GALNT18: variants seen among roughly 807,000 people sequenced by gnomAD.
The protein encoded by GALNT18 is GalNAc-transferase 18.
Under a neutral mutation model 69.5 loss-of-function variants are expected in GALNT18, and 44 were observed. The observed-to-expected ratio is 0.63, with a 90% confidence interval of 0.50 to 0.81. The LOEUF (loss-of-function observed/expected upper bound fraction) is 0.81. GALNT18 is among the 40% of genes least tolerant of loss of function. The pLI, the probability that GALNT18 is intolerant of heterozygous loss-of-function variation, is 0.00. For synonymous variants in GALNT18, 364 were observed against 318.2 expected, an observed-to-expected ratio of 1.14 and a Z score of -1.53; for missense variants, 715 against 810.0, an observed-to-expected ratio of 0.88 and a Z score of 1.42.
In GALNT18 at chr11:11,596,841, C is replaced by A. The variant is rs58787294; in HGVS notation, c.235+24518G>T. 0.025 allele frequency among the ~76,000 whole-genome samples: 3,778 copies of A among 152,124 alleles called. 169 individuals carry two copies. The highest frequency in any genetic ancestry group is 0.087 in the African/African-American group (3,598 of 41,494). On this transcript the variant is annotated intron_variant, in intron 1 of 10. Coordinates refer to ENST00000227756, the MANE Select transcript of GALNT18 (RefSeq NM_198516.3). This position sits in a 1 kb window ranked among gnomAD's most constrained non-coding sequence, Gnocchi z 4.2. Reference sequence around the variant, plus strand: ...AACATCTGGTATAATATTAAATAGGCGTGATGACAGCAGATATGCTTCTGT... The same window carrying A: ...AACATCTGGTATAATATTAAATAGGAGTGATGACAGCAGATATGCTTCTGT...
Position 11,389,627 on chromosome 11 carries a change from C to G in GALNT18, c.596-10363G>C, listed in dbSNP as rs374785239. 1.3e-5 allele frequency among the ~76,000 whole-genome samples: 2 copies of G among 152,302 alleles called. No homozygotes were observed. Among genetic ancestry groups the G allele is most frequent in the East Asian group, 3.9e-4 (2 of 5,184 alleles). On this transcript the variant is annotated intron_variant, in intron 3 of 10. Coordinates refer to ENST00000227756, the MANE Select transcript of GALNT18 (RefSeq NM_198516.3). This position sits in a 1 kb window ranked among gnomAD's most constrained non-coding sequence, Gnocchi z 4.3. ...TCAGCTGTGTCCAGGCAGGAGTGGA[C>G]GCTGCTCCAGCCCCAGCTCCTCCAG...
chr11:11,445,709 T>C (rs1215970900), intron 2 of GALNT18, among the ~76,000 whole-genome samples: 1 of 152,210 alleles, frequency 6.6e-6, no homozygotes, highest in African/African-American at 2.4e-5. Flanking sequence ...GAGCCCTCCC[T>C]GAGGAGTGAG....
At chr11:11,300,515 C>G (rs369574781) in intron 9 of GALNT18, among the ~76,000 whole-genome samples, 1 of 152,144 alleles carries the variant, frequency 6.6e-6, no homozygotes, top group Non-Finnish European at 1.5e-5. Context: ...TGCAGCCCAA[C>G]AAGGAATTAA....
chr11:11,550,724 T>C (rs1858168150), intron 1 of GALNT18, among the ~76,000 whole-genome samples: 1 of 152,204 alleles, frequency 6.6e-6, no homozygotes, highest in South Asian at 2.1e-4. Context: ...AGATCTGCGC[T>C]GTCCAAGGTG....
Position 11,461,453 on chromosome 11 carries a change from G to GA in GALNT18, c.236-12518dup, listed in dbSNP as rs1856041199. On this transcript the variant is annotated intron_variant, in intron 1 of 10. Coordinates refer to ENST00000227756, the MANE Select transcript of GALNT18 (RefSeq NM_198516.3). This position sits in a 1 kb window ranked among gnomAD's most constrained non-coding sequence, Gnocchi z 4.1. ...AGAGTGACAAATGTCTGTATCTTAGGAATCAGAATTTATATGTGCCATTAC... is the reference window on the plus strand; with the variant it reads ...AGAGTGACAAATGTCTGTATCTTAGGAAATCAGAATTTATATGTGCCATTAC... 6.6e-6 allele frequency among the ~76,000 whole-genome samples: 1 copy of GA among 152,128 alleles called. No individual in the cohort carries two copies. The highest frequency in any genetic ancestry group is 6.5e-5 in the Admixed American group (1 of 15,270).
At chr11:11,607,828 A>T (rs919128833) in intron 1 of GALNT18, among the ~76,000 whole-genome samples, 5 of 152,224 alleles carry the variant, frequency 3.3e-5, no homozygotes, top group South Asian at 2.1e-4. Context: ...CCCACCAGGT[A>T]ACCAGACACC....
chr11:11,353,807 C>T (rs1184210420), intron 6 of GALNT18, among the ~76,000 whole-genome samples: 4 of 152,132 alleles, frequency 2.6e-5, no homozygotes, highest in Admixed American at 2.0e-4. Flanking sequence ...AGGGTAGATA[C>T]ACTCTGTCAT....
At chr11:11,588,208 GCACTAGT>G (rs1490987951) in intron 1 of GALNT18, among the ~76,000 whole-genome samples, 1 of 151,902 alleles carries the variant, frequency 6.6e-6, no homozygotes, top group Non-Finnish European at 1.5e-5. Context: ...TTTTCTTATG[GCACTAGT>G]CACTTTTCAC....
chr11:11,513,871 T>C (rs2133917438), intron 1 of GALNT18, among the ~76,000 whole-genome samples: 1 of 152,350 alleles, frequency 6.6e-6, no homozygotes, highest in East Asian at 1.9e-4. Context: ...TCTAGGCAGC[T>C]ACAGGGAACT....
rs1589999120 is a variant in GALNT18, at chr11:11,435,297, C to A, written c.429-2510G>T. 2.0e-5 allele frequency among the ~76,000 whole-genome samples: 3 copies of A among 152,298 alleles called. No individual in the cohort carries two copies. Among genetic ancestry groups the A allele is most frequent in the Admixed American group, 2.0e-4 (3 of 15,310 alleles). On this transcript the variant is annotated intron_variant, in intron 2 of 10. Coordinates refer to ENST00000227756, the MANE Select transcript of GALNT18 (RefSeq NM_198516.3). The surrounding 1 kb of genome is among the most constrained non-coding windows in gnomAD (Gnocchi z 4.4). ...TCTGAACGTGGTGCCCAGTCTCCCC[C>A]TTCTGAGGAGACCAATTTTAATTCC... is the stretch of plus-strand genomic sequence containing the variant.
In GALNT18 at chr11:11,293,177, C is replaced by T. The variant is rs768067191; in HGVS notation, c.1529G>A (p.Ser510Asn). The change falls in exon 10 of 11, where the codon AGC (serine) becomes AAC (asparagine). Residue 510 changes from serine (S) to asparagine (N), a missense_variant. Coordinates refer to ENST00000227756, the MANE Select transcript of GALNT18 (RefSeq NM_198516.3). Reference sequence around the variant, plus strand: ...AATGCCCACATGGATCTGCTGACTGCTCGTGTAGTACACGTTCTGGGGGCG... The same window carrying T: ...AATGCCCACATGGATCTGCTGACTGTTCGTGTAGTACACGTTCTGGGGGCG... ...GMTPQNVYYT[S>N]SQQIHVGILS... is the part of the protein sequence containing the mutation. The T allele has an allele frequency of 7.5e-7, 1 of 1,335,926 alleles. No individual in the cohort carries two copies. The highest frequency in any genetic ancestry group is 2.6e-5 in the South Asian group (1 of 38,710). 82.8% of individuals were successfully genotyped at this position (1,335,926 alleles called of 1,614,324 possible). A position where few individuals can be genotyped will look rare whatever the true frequency, so the allele number is the denominator to read the frequency against.
Position 11,542,707 on chromosome 11 carries a change from A to C in GALNT18, c.235+78652T>G, listed in dbSNP as rs1857955528. On this transcript the variant is annotated intron_variant, in intron 1 of 10. Coordinates refer to ENST00000227756, the MANE Select transcript of GALNT18 (RefSeq NM_198516.3). This position sits in a 1 kb window ranked among gnomAD's most constrained non-coding sequence, Gnocchi z 4.3. ...TCTTGGTCACCTCTCTGCGTGTATC[A>C]CATTTGTGTAAAGCAAATTTCAGTT... Among the ~76,000 whole-genome samples, 1 of 152,202 alleles carries C rather than the reference A, an allele frequency of 6.6e-6. No individual in the cohort carries two copies. The highest frequency in any genetic ancestry group is 2.4e-5 in the African/African-American group (1 of 41,458).
At chr11:11,360,579 T>C (rs1040273648) in intron 6 of GALNT18, among the ~76,000 whole-genome samples, 13 of 152,204 alleles carry the variant, frequency 8.5e-5, no homozygotes, top group African/African-American at 3.1e-4. Flanking sequence ...GCATTGATTT[T>C]ACAACTAAGA....
Position 11,341,437 on chromosome 11 carries a change from C to T in GALNT18, c.1093-433G>A, listed in dbSNP as rs1211234562. 2.0e-5 allele frequency among the ~76,000 whole-genome samples: 3 copies of T among 152,068 alleles called. No individual in the cohort carries two copies. Among genetic ancestry groups the T allele is most frequent in the Non-Finnish European group, 1.5e-5 (1 of 68,024 alleles). On this transcript the variant is annotated intron_variant, in intron 6 of 10. Transcript: ENST00000227756. The surrounding 1 kb of genome is among the most constrained non-coding windows in gnomAD (Gnocchi z 6.3). Reference sequence around the variant, plus strand: ...AGCAGAGACTTCCTCTTCAAATGGACCACATGGGCCTGGACAAGAATTAGT... The same window carrying T: ...AGCAGAGACTTCCTCTTCAAATGGATCACATGGGCCTGGACAAGAATTAGT...
intron 3 of GALNT18, among the ~76,000 whole-genome samples, chr11:11,425,064 C>A (rs1256081227): frequency 2.6e-5 from 4 of 152,178 alleles, no homozygotes; most frequent in African/African-American, 9.7e-5. Flanking sequence ...AGGTTTCTGC[C>A]CAATGTAGGT....
intron 4 of GALNT18, among the ~76,000 whole-genome samples, chr11:11,378,432 C>T (rs916899178): frequency 2.0e-5 from 3 of 152,236 alleles, no homozygotes; most frequent in African/African-American, 7.2e-5. Flanking sequence ...CCTGTGCCCT[C>T]CAGCCCTGCA....
chr11:11,382,472 A>G lies in GALNT18; in HGVS notation c.596-3208T>C, dbSNP rs1276155304. Among the ~76,000 whole-genome samples the G allele has an allele frequency of 6.6e-6, 1 of 152,214 alleles. No homozygotes were observed. The highest frequency in any genetic ancestry group is 2.4e-5 in the African/African-American group (1 of 41,454). ...TTAACTATTTTATATACACATAAACACACACACATACCTGTTCACATATAA... is the reference window on the plus strand; with the variant it reads ...TTAACTATTTTATATACACATAAACGCACACACATACCTGTTCACATATAA... On this transcript the variant is annotated intron_variant, in intron 3 of 10. Coordinates refer to ENST00000227756, the MANE Select transcript of GALNT18 (RefSeq NM_198516.3). This position sits in a 1 kb window ranked among gnomAD's most constrained non-coding sequence, Gnocchi z 4.3.
Position 11,584,136 on chromosome 11 carries a change from G to A in GALNT18, c.235+37223C>T, listed in dbSNP as rs1185013063. Among the ~76,000 whole-genome samples, 3 of 152,046 alleles carry A rather than the reference G, an allele frequency of 2.0e-5. No individual in the cohort carries two copies. Among genetic ancestry groups the A allele is most frequent in the South Asian group, 2.1e-4 (1 of 4,828 alleles). ...AGTAAAAAGGGGAAGTAGAAGAAGCGGCCCCTGAGATTCCAGGGAACTTGG... is the reference window on the plus strand; with the variant it reads ...AGTAAAAAGGGGAAGTAGAAGAAGCAGCCCCTGAGATTCCAGGGAACTTGG... On this transcript the variant is annotated intron_variant, in intron 1 of 10. Coordinates refer to ENST00000227756, the MANE Select transcript of GALNT18 (RefSeq NM_198516.3). The surrounding 1 kb of genome is among the most constrained non-coding windows in gnomAD (Gnocchi z 4.1).
At chr11:11,280,146 C>T (rs1425750052) in intron 10 of GALNT18, among the ~76,000 whole-genome samples, 1 of 152,192 alleles carries the variant, frequency 6.6e-6, no homozygotes, top group African/African-American at 2.4e-5. Context: ...CAGGGCACCC[C>T]CCGCCCGGGG....
Sources: allele counts gnomAD v4.1 joint callset (sites outside exome capture counted in the v4.1 genomes callset), GRCh38; gene constraint gnomAD v4.1.1; non-coding constraint Gnocchi (gnomAD v3.1); transcripts MANE v1.5; gene names NCBI Gene and HGNC (gene_info 2026-07-23, HGNC 2026-07-21).